Variants in CLASP2 observed in about 807,000 individuals in gnomAD.
The protein encoded by CLASP2 is CLIP-associating protein 2.
In CLASP2, 47 loss-of-function variants were observed where a neutral mutation model predicts 194.4. The observed-to-expected ratio is 0.24, with a 90% CI of 0.19 to 0.31. The LOEUF (loss-of-function observed/expected upper bound fraction) is 0.31, where lower values mean the gene tolerates loss of function less well. Among genes scored for constraint, CLASP2 ranks in the 10% least tolerant of loss-of-function variants. The pLI, the probability that CLASP2 is intolerant of heterozygous loss-of-function variation, is 1.00. For missense variants in CLASP2, 1,445 were observed against 1,823.6 expected (o/e 0.79, Z 3.78); for synonymous variants, 619 against 633.5 (o/e 0.98, Z 0.34).
At chr3:33,624,244 T>G (rs2077599673) in intron 10 of CLASP2, among the ~76,000 whole-genome samples, 1 of 152,102 alleles carries the variant, frequency 6.6e-6, no homozygotes. Context: ...AAAATATGTC[T>G]TTAAAGTTAA....
At chr3:33,607,942 T>C (rs1423531137) in intron 14 of CLASP2, among the ~76,000 whole-genome samples, 2 of 152,216 alleles carry the variant, frequency 1.3e-5, no homozygotes, top group Non-Finnish European at 2.9e-5. Context: ...TTTTTAAAAA[T>C]GAGCTTTAAG....
Position 33,606,638 on chromosome 3 carries a change from A to G in CLASP2, c.1647T>C (p.Ser549=). 1.2e-6 allele frequency: 2 copies of G among 1,613,802 alleles called. No homozygotes were observed. Among genetic ancestry groups the G allele is most frequent in the South Asian group, 2.2e-5 (2 of 91,066 alleles). The change falls in exon 16 of 39, where the codon TCT becomes TCC. Residue 549 remains serine (S), a synonymous_variant. Transcript: ENST00000682230. ...TYLKSSGSVA[S]LPQSDRSSSS... ...ATGAGGACCTGTCTGATTGTGGAAG[A>G]GATGCTACACTGCCAGAACTCTTTA... is the stretch of plus-strand genomic sequence containing the variant.
At chr3:33,550,801 T>C (rs896659470) in intron 30 of CLASP2, among the ~76,000 whole-genome samples, 13 of 152,310 alleles carry the variant, frequency 8.5e-5, no homozygotes, top group Non-Finnish European at 1.6e-4. Flanking sequence ...TAACTAGTAA[T>C]TGATTCATAA....
At chr3:33,584,683 T>C in intron 22 of CLASP2, 67 bp downstream of exon 22, 2 of 1,388,856 alleles carry the variant, frequency 1.4e-6, no homozygotes, top group East Asian at 4.7e-5. Flanking sequence ...TCTTCAATGC[T>C]GCCAAAGCCT....
intron 8 of CLASP2, among the ~76,000 whole-genome samples, chr3:33,638,969 CA>C (rs746135550): frequency 2.6e-4 from 39 of 152,130 alleles, no homozygotes; most frequent in Admixed American, 5.9e-4. Flanking sequence ...ATGGGAGGAC[CA>C]AAATGCTAAC....
chr3:33,643,166 A>G (rs1334634162), intron 8 of CLASP2, among the ~76,000 whole-genome samples: 4 of 151,906 alleles, frequency 2.6e-5, no homozygotes, highest in Non-Finnish European at 5.9e-5. Flanking sequence ...GTAAATTTCA[A>G]TTTTCTTCTA....
At chr3:33,575,472 T>C (rs1438114913) in intron 24 of CLASP2, among the ~76,000 whole-genome samples, 1 of 152,066 alleles carries the variant, frequency 6.6e-6, no homozygotes, top group African/African-American at 2.4e-5. Flanking sequence ...TGAGTAAATG[T>C]TTCTCAAACA....
chr3:33,711,624 A>G (rs2093014579), intron 1 of CLASP2, among the ~76,000 whole-genome samples: 1 of 152,008 alleles, frequency 6.6e-6, no homozygotes, highest in Non-Finnish European at 1.5e-5. Context: ...AGAATTAAGA[A>G]TGAATGTAAG....
At chr3:33,592,238 A>G (rs1301237041) in intron 21 of CLASP2, 157 bp downstream of exon 21, 1 of 713,848 alleles carries the variant, frequency 1.4e-6, no homozygotes, top group East Asian at 2.7e-5. Context: ...GTGATGATGA[A>G]CCTAAAGTAC....
chr3:33,612,031 T>C lies in CLASP2; in HGVS notation c.1358A>G (p.Asn453Ser). The change falls in exon 13 of 39, where the codon AAT becomes AGT. Residue 453 changes from asparagine (N) to serine (S), a missense_variant. Around this residue, in one of 4 missense-constraint regions of CLASP2, gnomAD observed 207 missense variants for 331.4 expected, o/e 0.62. Transcript: ENST00000682230. The stretch of plus-strand genomic sequence containing the variant: ...CACGGGAACTGATTTTGATGTGCAA[T>C]TGCTTGTTATTAAAGGTATAAGTCT... ...VPRLIPLITS[N>S]CTSKSVPVRR... 1 of 1,610,876 alleles carries C rather than the reference T, an allele frequency of 6.2e-7. No individual in the cohort carries two copies. The highest frequency in any genetic ancestry group is 8.5e-7 in the Non-Finnish European group (1 of 1,178,202).
chr3:33,664,276 C>CT (rs1553649230), intron 6 of CLASP2, among the ~76,000 whole-genome samples: 9 of 151,236 alleles, frequency 6.0e-5, no homozygotes, highest in African/African-American at 1.5e-4. Flanking sequence ...ACTGACAGCA[C>CT]TTTTTTTTTA....
chr3:33,554,157 G>C (rs550487770), intron 29 of CLASP2, among the ~76,000 whole-genome samples: 108 of 151,518 alleles, frequency 7.1e-4, no homozygotes, highest in Non-Finnish European at 1.4e-3. Context: ...GAACATGGGA[G>C]GTGGAGTTCC....
intron 2 of CLASP2, among the ~76,000 whole-genome samples, chr3:33,692,736 T>C (rs2091483381): frequency 6.6e-6 from 1 of 152,220 alleles, no homozygotes; most frequent in Non-Finnish European, 1.5e-5. Flanking sequence ...ATATGATGAA[T>C]ATTCAACAAA....
At position 33,653,984 on chromosome 3, in the gene CLASP2, C is replaced by T. The variant is rs1035404961; in HGVS notation, c.716-9081G>A. ...AGCATCTAAAAAATCACAATGAATTCTTAAAAGATGCAAAAAAAGAAGGCA... is the reference window on the plus strand; with the variant it reads ...AGCATCTAAAAAATCACAATGAATTTTTAAAAGATGCAAAAAAAGAAGGCA... On this transcript the variant is annotated intron_variant, in intron 7 of 38. Transcript: ENST00000682230. 1.1e-4 allele frequency among the ~76,000 whole-genome samples: 17 copies of T among 149,230 alleles called. 1 individual carries two copies. Among genetic ancestry groups the T allele is most frequent in the Admixed American group, 1.1e-3 (17 of 14,962 alleles).
chr3:33,540,029 A>G (rs2058072938), intron 32 of CLASP2, among the ~76,000 whole-genome samples: 1 of 150,282 alleles, frequency 6.7e-6, no homozygotes, highest in Non-Finnish European at 1.5e-5. Context: ...GCGATTCTCC[A>G]GCCTCAGCCT....
At chr3:33,509,230 T>C (rs2049088075) in intron 37 of CLASP2, among the ~76,000 whole-genome samples, 1 of 152,252 alleles carries the variant, frequency 6.6e-6, no homozygotes, top group Non-Finnish European at 1.5e-5. Flanking sequence ...CTGATATGTG[T>C]ATTGATGTTA....
chr3:33,633,668 T>C (rs1412338692), intron 8 of CLASP2, among the ~76,000 whole-genome samples: 1 of 151,738 alleles, frequency 6.6e-6, no homozygotes, highest in East Asian at 1.9e-4. Flanking sequence ...CTCACAAAGA[T>C]GACCAATCAA....
At chr3:33,576,490 A>G (rs561014459) in intron 23 of CLASP2, 1 of 494,946 alleles carries the variant, frequency 2.0e-6, no homozygotes, top group South Asian at 2.5e-5. Context: ...AAAATAAAGA[A>G]CGGTCACTAT....
chr3:33,543,410 A>G (rs780387649), intron 32 of CLASP2, 23 bp downstream of exon 32: 1 of 1,389,074 alleles, frequency 7.2e-7, no homozygotes, highest in Admixed American at 1.7e-5. Flanking sequence ...ACAAACCATC[A>G]TGAAAAATCA....
Sources: allele counts gnomAD v4.1 joint callset (sites outside exome capture counted in the v4.1 genomes callset), GRCh38; gene constraint gnomAD v4.1.1; regional missense constraint gnomAD v4.1.1; transcripts MANE v1.5; gene names NCBI Gene and HGNC (gene_info 2026-07-23, HGNC 2026-07-21).